The following CFTR variants were observed in gnomAD, a reference collection of about 807,000 sequenced individuals.
CFTR encodes CF transmembrane conductance regulator.
Under a neutral mutation model 171.6 loss-of-function variants are expected in CFTR, and 181 were observed. That is an observed-to-expected ratio of 1.05 (90% CI 0.93 to 1.19). The LOEUF (loss-of-function observed/expected upper bound fraction) is 1.19, where lower values mean the gene tolerates loss of function less well. CFTR is among the 50% of genes most tolerant of loss of function. The probability of loss-of-function intolerance (pLI) is 0.00; values close to 1 mark genes in which losing one functional copy is unlikely to be tolerated. For missense variants in CFTR, 1,968 were observed against 1,734.7 expected (o/e 1.13, Z -2.39); for synonymous variants, 583 against 608.0 (o/e 0.96, Z 0.60).
chr7:117,549,633 A>G (rs1427548162), intron 10 of CFTR, among the ~76,000 whole-genome samples: 1 of 152,196 alleles, frequency 6.6e-6, no homozygotes, highest in Non-Finnish European at 1.5e-5. Flanking sequence ...GGCAATAGGT[A>G]TTTGCTTCAG....
chr7:117,518,304 A>G (rs1266421824), intron 3 of CFTR, among the ~76,000 whole-genome samples: 2 of 147,416 alleles, frequency 1.4e-5, no homozygotes, highest in African/African-American at 4.9e-5. Context: ...ATAATACAAT[A>G]TATATTATAA....
chr7:117,608,476 G>A (rs535941829), intron 18 of CFTR, among the ~76,000 whole-genome samples: 11 of 152,314 alleles, frequency 7.2e-5, no homozygotes, highest in Admixed American at 2.0e-4. Flanking sequence ...GCCTCTTAAA[G>A]AGCTGGAATT....
At chr7:117,643,876 A>G (rs977357495) in intron 23 of CFTR, among the ~76,000 whole-genome samples, 2 of 152,174 alleles carry the variant, frequency 1.3e-5, no homozygotes, top group Non-Finnish European at 2.9e-5. Flanking sequence ...GCCAAGCCCT[A>G]AAAATTAATT....
At chr7:117,662,368 C>G (rs1418996562) in intron 24 of CFTR, among the ~76,000 whole-genome samples, 2 of 152,174 alleles carry the variant, frequency 1.3e-5, no homozygotes, top group African/African-American at 4.8e-5. Flanking sequence ...AGCTTACAGT[C>G]TAACGAGGGA....
intron 11 of CFTR, among the ~76,000 whole-genome samples, chr7:117,566,574 T>C (rs1431021458): frequency 2.0e-5 from 3 of 151,498 alleles, no homozygotes; most frequent in African/African-American, 4.9e-5. Flanking sequence ...CTGACACTTA[T>C]TTACTGTAAT....
chr7:117,564,601 A>C (rs1791569057), intron 11 of CFTR: 1 of 166,864 alleles, frequency 6.0e-6, no homozygotes, highest in Admixed American at 6.5e-5. Context: ...AAATGCAAAC[A>C]TTCATGATTC....
intron 1 of CFTR, among the ~76,000 whole-genome samples, chr7:117,498,708 T>C (rs1260836743): frequency 1.3e-5 from 2 of 152,158 alleles, no homozygotes; most frequent in Non-Finnish European, 2.9e-5. Flanking sequence ...TAGTCACTTA[T>C]CAAAATAACT....
chr7:117,606,681 T>C lies in CFTR; in HGVS notation c.2916T>C (p.Ile972=). 6.4e-7 allele frequency: 1 copy of C among 1,556,354 alleles called. No individual in the cohort carries two copies. Among genetic ancestry groups the C allele is most frequent in the East Asian group, 2.2e-5 (1 of 44,456 alleles). ...TCATCTTGTATATTATAGGTGGGAT[T>C]CTTAATAGATTCTCCAAAGATATAG... ...STLNTLKAGG[I]LNRFSKDIAI... Residue 972 remains isoleucine (I), a synonymous_variant, in exon 18 of 27, where the codon ATT becomes ATC. Transcript: ENST00000003084.
chr7:117,664,996 C>A (rs1047119721), intron 25 of CFTR, 136 bp downstream of exon 25: 1 of 952,084 alleles, frequency 1.1e-6, no homozygotes, highest in Non-Finnish European at 1.7e-6. Flanking sequence ...AATAATTGCC[C>A]AGTGGAAATG....
Position 117,512,926 on chromosome 7 carries a change from A to G in CFTR, c.273+3784A>G, listed in dbSNP as rs555394848. 8.5e-5 allele frequency among the ~76,000 whole-genome samples: 13 copies of G among 152,284 alleles called. 1 individual carries two copies. The South Asian group carries it at 2.1e-3, about 24-fold the overall frequency. On this transcript the variant is annotated intron_variant, in intron 3 of 26. Coordinates refer to ENST00000003084, the MANE Select transcript of CFTR (RefSeq NM_000492.4). ...ACTACCTTTTTTCATTAAACCTCAC[A>G]AAATTAAAGGACATACAGGAGAAGT...
chr7:117,490,354 C>CACACA (rs767133170), intron 1 of CFTR, among the ~76,000 whole-genome samples: 1 of 146,056 alleles, frequency 6.8e-6, no homozygotes, highest in South Asian at 2.1e-4. Context: ...CACACACACA[C>CACACA]AATTTATTAT....
chr7:117,578,208 A>G (rs1791799307), intron 11 of CFTR, among the ~76,000 whole-genome samples: 1 of 151,470 alleles, frequency 6.6e-6, no homozygotes, highest in Non-Finnish European at 1.5e-5. Context: ...TCCGTTTCTG[A>G]CACCCCTAAG....
intron 1 of CFTR, among the ~76,000 whole-genome samples, chr7:117,502,763 T>A (rs1798352843): frequency 6.6e-6 from 1 of 152,230 alleles, no homozygotes; most frequent in South Asian, 2.1e-4. Context: ...GACTGGGCAA[T>A]GAAGGGTAAA....
At chr7:117,519,573 T>G (rs998778762) in intron 3 of CFTR, among the ~76,000 whole-genome samples, 1 of 152,054 alleles carries the variant, frequency 6.6e-6, no homozygotes, top group South Asian at 2.1e-4. Flanking sequence ...TATTTTCTTC[T>G]GATTAATAAT....
At chr7:117,507,308 C>T (rs1216265458) in intron 2 of CFTR, among the ~76,000 whole-genome samples, 1 of 152,224 alleles carries the variant, frequency 6.6e-6, no homozygotes, top group Non-Finnish European at 1.5e-5. Flanking sequence ...ACATTCTCTG[C>T]TCTCCTGGTC....
At chr7:117,612,039 AT>A (rs1792410012) in intron 20 of CFTR, among the ~76,000 whole-genome samples, 1 of 73,668 alleles carries the variant, frequency 1.4e-5, no homozygotes, top group Non-Finnish European at 2.8e-5. Flanking sequence ...ATATATATAT[AT>A]ATATATATAT....
At chr7:117,523,114 A>G (rs909377273) in intron 3 of CFTR, among the ~76,000 whole-genome samples, 51 of 152,302 alleles carry the variant, frequency 3.3e-4, no homozygotes, top group African/African-American at 1.2e-3. Flanking sequence ...TGAAATAGCT[A>G]CTGTTGTTCA....
intron 3 of CFTR, among the ~76,000 whole-genome samples, chr7:117,510,486 T>A (rs1249340832): frequency 6.6e-6 from 1 of 152,194 alleles, no homozygotes; most frequent in Non-Finnish European, 1.5e-5. Flanking sequence ...TTCAAGTAAT[T>A]GTTATGTCAT....
At chr7:117,643,547 G>A (rs1792951747) in intron 23 of CFTR, among the ~76,000 whole-genome samples, 1 of 152,076 alleles carries the variant, frequency 6.6e-6, no homozygotes, top group African/African-American at 2.4e-5. Flanking sequence ...CTCAACTGGT[G>A]CTTTTAATTT....
Sources: gnomAD v4.1 joint callset for allele counts (sites outside exome capture counted in the v4.1 genomes callset) on GRCh38, gnomAD v4.1.1 for gene constraint, MANE v1.5 for transcripts, NCBI Gene and HGNC (gene_info 2026-07-23, HGNC 2026-07-21) for gene names.